CAST: variants seen among roughly 807,000 people sequenced by gnomAD.
The protein encoded by CAST is calpastatin, also known as MIR583 host.
CAST carries 76 observed loss-of-function variants against 119.6 expected under a neutral mutation model. That is an observed-to-expected ratio of 0.64 (90% CI 0.53 to 0.77). The LOEUF (loss-of-function observed/expected upper bound fraction) is 0.77, where lower values mean the gene tolerates loss of function less well. CAST is among the 30% of genes least tolerant of loss of function. The pLI is 0.00. For synonymous variants in CAST, 319 were observed against 331.6 expected (o/e 0.96, Z 0.41); for missense variants, 953 against 946.5 (o/e 1.01, Z -0.09).
chr5:96,623,564 G>A (rs1747661944), intron 1 of CAST, among the ~76,000 whole-genome samples: 1 of 152,146 alleles, frequency 6.6e-6, no homozygotes, highest in Non-Finnish European at 1.5e-5. Context: ...ATCTGGGTCT[G>A]TCTGAATTCA....
the CAST span, among the ~76,000 whole-genome samples, chr5:95,980,699 C>T: frequency 2.6e-5 from 4 of 152,004 alleles, no homozygotes; most frequent in African/African-American, 9.7e-5. Context: ...GTGACTAAGC[C>T]CTCACGTCAC....
upstream of CAST, among the ~76,000 whole-genome samples, chr5:96,521,583 A>G (rs1033128716): frequency 2.0e-5 from 3 of 148,836 alleles, no homozygotes; most frequent in African/African-American, 7.8e-5. Flanking sequence ...GTTCCCACAT[A>G]GTCACTTAGA....
chr5:96,421,049 G>A, the CAST span, among the ~76,000 whole-genome samples: 1 of 152,222 alleles, frequency 6.6e-6, no homozygotes, highest in East Asian at 1.9e-4. Flanking sequence ...ATGTCTGTGA[G>A]AACATCGGTA....
intron 1 of CAST, among the ~76,000 whole-genome samples, chr5:96,568,891 C>T (rs904167381): frequency 3.3e-5 from 5 of 152,032 alleles, no homozygotes; most frequent in African/African-American, 1.2e-4. Context: ...TATGGAAAGA[C>T]AATAGCATGG....
chr5:96,274,093 G>C, the CAST span, among the ~76,000 whole-genome samples: 1 of 150,682 alleles, frequency 6.6e-6, no homozygotes, highest in African/African-American at 2.5e-5. Context: ...ATGAGTTAGA[G>C]CCCCAATTTT....
chr5:96,575,654 T>TG (rs1746656924), intron 1 of CAST, among the ~76,000 whole-genome samples: 1 of 151,998 alleles, frequency 6.6e-6, no homozygotes, highest in South Asian at 2.1e-4. Flanking sequence ...TTTTGTTTTT[T>TG]TTTTTTAAGA....
At chr5:96,256,249 TTATG>T in the CAST span, among the ~76,000 whole-genome samples, 2 of 148,296 alleles carry the variant, frequency 1.3e-5, no homozygotes, top group Non-Finnish European at 3.0e-5. Flanking sequence ...TATACAGTAT[TTATG>T]TGTTTATATG....
Position 96,740,755 on chromosome 5 carries a change from G to A in CAST, c.890G>A (p.Gly297Glu), listed in dbSNP as rs770942660. 4 of 1,597,784 alleles carry A rather than the reference G, an allele frequency of 2.5e-6. No homozygotes were observed. The highest frequency in any genetic ancestry group is 2.2e-5 in the East Asian group (1 of 44,816). Residue 297 changes from glycine (G) to glutamate (E), a missense_variant, in exon 13 of 32, where the codon GGG becomes GAG. Coordinates refer to ENST00000675179, the MANE Select transcript of CAST (RefSeq NM_001750.7). Reference sequence around the variant, plus strand: ...TAATATTTGTTTCAGAAAAAGGAAGGGATCACAGGGCCTCCTGCAGACTCT... The same window carrying A: ...TAATATTTGTTTCAGAAAAAGGAAGAGATCACAGGGCCTCCTGCAGACTCT... ...KYRELLAKKE[G>E]ITGPPADSSK...
chr5:96,399,483 T>C, the CAST span, among the ~76,000 whole-genome samples: 1 of 152,110 alleles, frequency 6.6e-6, no homozygotes, highest in African/African-American at 2.4e-5. Context: ...GGAGTCTAAG[T>C]AAGTGTATGA....
At chr5:96,289,533 C>G in the CAST span, among the ~76,000 whole-genome samples, 2 of 152,258 alleles carry the variant, frequency 1.3e-5, no homozygotes, top group African/African-American at 4.8e-5. Context: ...TTCTCATTCT[C>G]TCTCTTCCCT....
At chr5:96,734,860 G>A (rs1432933704) in intron 9 of CAST, among the ~76,000 whole-genome samples, 1 of 152,130 alleles carries the variant, frequency 6.6e-6, no homozygotes, top group African/African-American at 2.4e-5. Context: ...AAAGAAATAT[G>A]TCTAGCAAGA....
At chr5:96,049,889 CAAAAAAAA>C in the CAST span, among the ~76,000 whole-genome samples, 354 of 34,168 alleles carry the variant, frequency 0.01, no homozygotes, top group African/African-American at 0.028. Flanking sequence ...GAACAGGAGG[CAAAAAAAA>C]AAAAAAAAAA....
chr5:96,083,556 A>C, the CAST span, among the ~76,000 whole-genome samples: 1 of 152,238 alleles, frequency 6.6e-6, no homozygotes, highest in Non-Finnish European at 1.5e-5. Flanking sequence ...GGCTTTCTAG[A>C]AAATTAACAT....
intron 3 of CAST, among the ~76,000 whole-genome samples, chr5:96,699,424 A>G (rs1409238077): frequency 6.6e-6 from 1 of 152,248 alleles, no homozygotes; most frequent in Non-Finnish European, 1.5e-5. Context: ...AGAGAAATCC[A>G]GGAGAGTACA....
At chr5:96,524,030 C>G (rs531953718), upstream of CAST, among the ~76,000 whole-genome samples, 4 of 152,314 alleles carry the variant, frequency 2.6e-5, no homozygotes, top group African/African-American at 9.6e-5. Context: ...GGAATCTCTG[C>G]AAGAAGATAC....
intron 16 of CAST, among the ~76,000 whole-genome samples, chr5:96,745,780 A>G (rs1284880287): frequency 6.6e-6 from 1 of 152,208 alleles, no homozygotes; most frequent in Non-Finnish European, 1.5e-5. Context: ...AAAAGAGGTA[A>G]AACAAGTTAT....
chr5:96,242,287 A>G, the CAST span, among the ~76,000 whole-genome samples: 2 of 152,176 alleles, frequency 1.3e-5, no homozygotes, highest in African/African-American at 4.8e-5. Flanking sequence ...TAACTTTCAC[A>G]TATTTAAATT....
chr5:96,412,387 A>C, the CAST span: 1 of 1,614,068 alleles, frequency 6.2e-7, no homozygotes, highest in Non-Finnish European at 8.5e-7. Context: ...TCCCATCATC[A>C]TTAGGGCCCC....
chr5:96,000,890 G>A, the CAST span, among the ~76,000 whole-genome samples: 1 of 152,114 alleles, frequency 6.6e-6, no homozygotes, highest in Non-Finnish European at 1.5e-5. Context: ...TTAGAGTGGG[G>A]ACTGTTGTGA....
Sources: allele counts gnomAD v4.1 joint callset (sites outside exome capture counted in the v4.1 genomes callset), GRCh38; gene constraint gnomAD v4.1.1; transcripts MANE v1.5; gene names NCBI Gene and HGNC (gene_info 2026-07-23, HGNC 2026-07-21).